HTR1F: variants seen among roughly 807,000 people sequenced by gnomAD.
The protein encoded by HTR1F is 5-hydroxytryptamine receptor 1F.
A neutral mutation model predicts 24.0 loss-of-function variants in HTR1F; 17 were observed. The observed-to-expected ratio is 0.71, with a 90% CI of 0.48 to 1.06. HTR1F has a LOEUF of 1.06. HTR1F is among the 50% of genes least tolerant of loss of function. The probability of loss-of-function intolerance (pLI) is 0.00; values close to 1 mark genes in which losing one functional copy is unlikely to be tolerated. For synonymous variants in HTR1F, 186 were observed against 156.8 expected, an observed-to-expected ratio of 1.19 and a Z score of -1.39; for missense variants, 391 against 427.8, an observed-to-expected ratio of 0.91 and a Z score of 0.76.
intron 2 of HTR1F, among the ~76,000 whole-genome samples, chr3:87,893,127 T>G (rs1184882847): frequency 6.6e-6 from 1 of 152,170 alleles, no homozygotes; most frequent in African/African-American, 2.4e-5. Flanking sequence ...TGATGCACTT[T>G]AATTTCTAGT....
chr3:87,863,713 A>G (rs1021338), intron 2 of HTR1F, among the ~76,000 whole-genome samples: 18,065 of 152,202 alleles, frequency 0.12, 1,353 homozygotes, highest in African/African-American at 0.21. Context: ...CCCAATTCCA[A>G]GGCCACTTCT....
At position 87,991,893 on chromosome 3, in the gene HTR1F, G is replaced by A. The variant is rs368085555; in HGVS notation, c.*43G>A. 49 of 1,492,210 alleles carry A rather than the reference G, an allele frequency of 3.3e-5. No homozygotes were observed. The highest frequency in any genetic ancestry group is 4.2e-5 in the African/African-American group (3 of 71,160). The allele number at this position is 1,492,210 out of a possible 1,614,324, so 92.4% of individuals were successfully genotyped here. A position where few individuals can be genotyped will look rare whatever the true frequency, so the allele number is the denominator to read the frequency against. On this transcript the variant is annotated 3_prime_UTR_variant, in exon 3 of 3. Transcript: ENST00000319595. ...ATTGAAGGATGGGGGTTTTTGAGGG[G>A]AGGAATAACTAGATGAATGCCAAAT...
In HTR1F at chr3:87,926,231, ACACT is replaced by A. The variant is rs1293319308; in HGVS notation, c.-42-64472_-42-64469del. 3.3e-5 allele frequency among the ~76,000 whole-genome samples: 5 copies of A among 152,324 alleles called. 1 individual carries two copies. The East Asian group carries it at 5.8e-4, about 18-fold the overall frequency. On this transcript the variant is annotated intron_variant, in intron 2 of 2. Transcript: ENST00000319595. Reference sequence around the variant, plus strand: ...GTTATATACAAGGTCCTTTTAAAAAACACTCACTGCAGTTCATTCAGTGTTGACT... The same window carrying A: ...GTTATATACAAGGTCCTTTTAAAAAACACTGCAGTTCATTCAGTGTTGACT...
At chr3:87,827,600 C>T (rs1704492094) in intron 2 of HTR1F, among the ~76,000 whole-genome samples, 1 of 152,044 alleles carries the variant, frequency 6.6e-6, no homozygotes, top group African/African-American at 2.4e-5. Context: ...ATTCTAAAGC[C>T]TTTATTTAAA....
chr3:87,943,376 T>C (rs1434443342), intron 2 of HTR1F, among the ~76,000 whole-genome samples: 1 of 152,330 alleles, frequency 6.6e-6, no homozygotes, highest in Admixed American at 6.5e-5. Flanking sequence ...CCATCAGGGT[T>C]ATCTGAGAAT....
intron 2 of HTR1F, among the ~76,000 whole-genome samples, chr3:87,937,506 A>G (rs1269674455): frequency 6.6e-6 from 1 of 152,202 alleles, no homozygotes; most frequent in African/African-American, 2.4e-5. Context: ...CACAGCCAAC[A>G]TCATACCAAA....
chr3:87,827,246 C>T (rs371542779), intron 2 of HTR1F, among the ~76,000 whole-genome samples: 1 of 151,848 alleles, frequency 6.6e-6, no homozygotes, highest in East Asian at 1.9e-4. Context: ...GTTTCCTCCC[C>T]TCTCCCCGCA....
intron 2 of HTR1F, among the ~76,000 whole-genome samples, chr3:87,974,574 T>C (rs540856735): frequency 6.6e-6 from 1 of 152,026 alleles, no homozygotes; most frequent in East Asian, 1.9e-4. Context: ...TTTTAAAAAA[T>C]GACTACCAGA....
At chr3:87,880,416 T>C (rs1189533705) in intron 2 of HTR1F, among the ~76,000 whole-genome samples, 1 of 151,988 alleles carries the variant, frequency 6.6e-6, no homozygotes, top group Non-Finnish European at 1.5e-5. Flanking sequence ...ATACAGAAAA[T>C]GCCAAAAATC....
intron 2 of HTR1F, among the ~76,000 whole-genome samples, chr3:87,866,196 T>G (rs1302822369): frequency 6.6e-6 from 1 of 152,198 alleles, no homozygotes; most frequent in Non-Finnish European, 1.5e-5. Context: ...TTGTTCAATA[T>G]TACCAACTAG....
At chr3:87,823,981 C>T (rs1440775849) in intron 2 of HTR1F, among the ~76,000 whole-genome samples, 5 of 150,894 alleles carry the variant, frequency 3.3e-5, no homozygotes, top group Admixed American at 6.6e-5. Flanking sequence ...CGCTTGAACC[C>T]GGGAGGCGGA....
intron 2 of HTR1F, among the ~76,000 whole-genome samples, chr3:87,868,432 G>A (rs1461529915): frequency 1.3e-5 from 2 of 151,922 alleles, no homozygotes; most frequent in East Asian, 1.9e-4. Flanking sequence ...TGGTTAAGAA[G>A]GATATAATTA....
At chr3:87,959,266 C>CTAG (rs1238347002) in intron 2 of HTR1F, among the ~76,000 whole-genome samples, 1 of 151,686 alleles carries the variant, frequency 6.6e-6, no homozygotes, top group Non-Finnish European at 1.5e-5. Context: ...TACCTAAATG[C>CTAG]TAGTATTATT....
At position 87,912,879 on chromosome 3, in the gene HTR1F, T is replaced by G. The variant is rs1216627277; in HGVS notation, c.-42-77829T>G. On this transcript the variant is annotated intron_variant, in intron 2 of 2. Transcript: ENST00000319595. ...AATAAATTGTGCTGGAATAACTGGCTAGTCATATGCAGAAAATTGAAATTG... is the reference window on the plus strand; with the variant it reads ...AATAAATTGTGCTGGAATAACTGGCGAGTCATATGCAGAAAATTGAAATTG... Among the ~76,000 whole-genome samples, 4 of 152,168 alleles carry G rather than the reference T, an allele frequency of 2.6e-5. No individual in the cohort carries two copies. In the East Asian group the frequency reaches 7.7e-4, roughly 29 times the overall value.
chr3:87,967,294 A>G (rs1705185376), intron 2 of HTR1F, among the ~76,000 whole-genome samples: 1 of 152,146 alleles, frequency 6.6e-6, no homozygotes, highest in African/African-American at 2.4e-5. Flanking sequence ...CACTAAAAAT[A>G]CAAAAATTAG....
intron 2 of HTR1F, among the ~76,000 whole-genome samples, chr3:87,967,758 T>C (rs1347571343): frequency 2.0e-5 from 3 of 152,208 alleles, no homozygotes; most frequent in Non-Finnish European, 4.4e-5. Context: ...TCCCAAGCCA[T>C]GTGGAACTGT....
rs202149220 is a variant in HTR1F at position 87,872,972 on chromosome 3, CA to C, written c.-43+50851del. On this transcript the variant is annotated intron_variant, in intron 2 of 2. Coordinates refer to ENST00000319595, the MANE Select transcript of HTR1F (RefSeq NM_001322209.2). ...GGAATATGCTGATACAAAAGCCACA[CA>C]AAGATACTACAAGAAAAGAAAACTA... Among the ~76,000 whole-genome samples the C allele has an allele frequency of 3.9e-3, 592 of 152,052 alleles. 7 individuals are homozygous for C. Among genetic ancestry groups the C allele is most frequent in the African/African-American group, 0.014 (569 of 41,494 alleles).
intron 2 of HTR1F, among the ~76,000 whole-genome samples, chr3:87,916,102 A>G (rs182207425): frequency 3.0e-4 from 45 of 152,220 alleles, no homozygotes; most frequent in Non-Finnish European, 3.1e-4. Context: ...GTATCCAGCT[A>G]AACTAAGCAT....
At chr3:87,966,954 G>C (rs1705175394) in intron 2 of HTR1F, among the ~76,000 whole-genome samples, 2 of 152,014 alleles carry the variant, frequency 1.3e-5, no homozygotes, top group African/African-American at 2.4e-5. Context: ...AATTAGTTAA[G>C]AGTATATGAG....
Sources: gnomAD v4.1 joint callset for allele counts (sites outside exome capture counted in the v4.1 genomes callset) on GRCh38, gnomAD v4.1.1 for gene constraint, MANE v1.5 for transcripts, NCBI Gene and HGNC (gene_info 2026-07-23, HGNC 2026-07-21) for gene names.